NFKBIL1: variants seen among roughly 807,000 people sequenced by gnomAD.
NFKBIL1 encodes NF-kappa-B inhibitor-like protein 1.
NFKBIL1 carries 30 observed loss-of-function variants against 45.4 expected under a neutral mutation model. The ratio of observed to expected loss-of-function variants is 0.66; its 90% CI spans 0.49 to 0.90. The LOEUF is 0.90. NFKBIL1 is among the 40% of genes least tolerant of loss of function. NFKBIL1 has a pLI of 0.00. For synonymous variants in NFKBIL1, 179 were observed against 197.3 expected (o/e 0.91, Z 0.78); for missense variants, 434 against 513.4 (o/e 0.85, Z 1.49).
In NFKBIL1 at chr6:31,553,444, C is replaced by T. The variant is rs117605180; in HGVS notation, c.335-4184C>T. Among the ~76,000 whole-genome samples, 84 of 152,168 alleles carry T rather than the reference C, an allele frequency of 5.5e-4. 2 individuals carry two copies. The East Asian group carries it at 0.015, about 27-fold the overall frequency. On this transcript the variant is annotated intron_variant, in intron 2 of 3. Transcript: ENST00000376148. ...AAAGTAAATTCCAGCAGATTAAATA[C>T]CTGAATATGACAGGAAGGTACACAC...
At position 31,558,640 on chromosome 6, in the gene NFKBIL1, G is replaced by A; in HGVS notation, c.*29G>A. On this transcript the variant is annotated 3_prime_UTR_variant, in exon 4 of 4. Coordinates refer to ENST00000376148, the MANE Select transcript of NFKBIL1 (RefSeq NM_005007.4). The surrounding 1 kb of genome is among the most constrained non-coding windows in gnomAD (Gnocchi z 7.2). ...TAGGGAAGAAGCAAGAAACTTCGGG[G>A]CTGCAGCCTCAGGATGAGGCAGAAG... 1 of 1,515,780 alleles carries A rather than the reference G, an allele frequency of 6.6e-7. No individual in the cohort carries two copies. Among genetic ancestry groups the A allele is most frequent in the South Asian group, 1.2e-5 (1 of 82,148 alleles). 93.9% of individuals were successfully genotyped at this position (1,515,780 alleles called of 1,614,324 possible). A position where few individuals can be genotyped will look rare whatever the true frequency, so the allele number is the denominator to read the frequency against.
At chr6:31,552,653 T>C (rs1287395641) in intron 2 of NFKBIL1, among the ~76,000 whole-genome samples, 2 of 151,042 alleles carry the variant, frequency 1.3e-5, no homozygotes, top group African/African-American at 4.9e-5. Context: ...TGAGAACGGT[T>C]GATCTGGTAA....
In NFKBIL1 at chr6:31,547,711, C is replaced by A; in HGVS notation, c.17C>A (p.Pro6His). 6.2e-7 allele frequency: 1 copy of A among 1,612,298 alleles called. No homozygotes were observed. Among genetic ancestry groups the A allele is most frequent in the Non-Finnish European group, 8.5e-7 (1 of 1,179,580 alleles). ...GCAGGTCTGATGAGTAACCCCTCCCCCCAGGTTCCAGAGGAAGAAGCCTCC... is the reference window on the plus strand; with the variant it reads ...GCAGGTCTGATGAGTAACCCCTCCCACCAGGTTCCAGAGGAAGAAGCCTCC... The part of the protein sequence containing the change: MSNPS[P>H]QVPEEEASTS... Residue 6 changes from proline (P) to histidine (H), a missense_variant, in exon 1 of 4, where the codon CCC becomes CAC. Around this residue, in one of 4 missense-constraint regions of NFKBIL1, gnomAD observed 231 missense variants for 264.1 expected, o/e 0.87. Coordinates refer to ENST00000376148, the MANE Select transcript of NFKBIL1 (RefSeq NM_005007.4).
At chr6:31,554,364 G>C (rs1028878552) in intron 2 of NFKBIL1, among the ~76,000 whole-genome samples, 1 of 152,106 alleles carries the variant, frequency 6.6e-6, no homozygotes, top group Non-Finnish European at 1.5e-5. Flanking sequence ...CAGTGAGCAA[G>C]ATCATGCCAC....
Position 31,557,315 on chromosome 6 carries a change from A to G in NFKBIL1, c.335-313A>G, listed in dbSNP as rs1172451343. Among the ~76,000 whole-genome samples the G allele has an allele frequency of 1.3e-5, 2 of 152,030 alleles. No homozygotes were observed. Among genetic ancestry groups the G allele is most frequent in the African/African-American group, 4.8e-5 (2 of 41,392 alleles). ...AGTAGAGATGGGATTTCACCATGTT[A>G]GCCAGGATGGTCTTGATCTCCTGAC... is the stretch of plus-strand genomic sequence containing the variant. On this transcript the variant is annotated intron_variant, in intron 2 of 3. Transcript: ENST00000376148. The surrounding 1 kb of genome is among the most constrained non-coding windows in gnomAD (Gnocchi z 5.4).
Position 31,557,672 on chromosome 6 carries a change from G to A in NFKBIL1, c.379G>A (p.Ala127Thr), listed in dbSNP as rs200921108. The change falls in exon 3 of 4, where the codon GCC becomes ACC. Residue 127 changes from alanine (A) to threonine (T), a missense_variant. Ala to Thr is a moderately conservative substitution (Grantham distance 58, BLOSUM62 0). Coordinates refer to ENST00000376148, the MANE Select transcript of NFKBIL1 (RefSeq NM_005007.4). The surrounding 1 kb of genome is among the most constrained non-coding windows in gnomAD (Gnocchi z 5.4). ...FLPLLSRCPS[A>T]MGIKNKDGET... ...CCCGCTGCTAAGCCGCTGTCCCTCC[G>A]CCATGGGAATAAAGAATAAGGATGG... The A allele has an allele frequency of 1.1e-5, 17 of 1,579,308 alleles. No individual in the cohort carries two copies. Among genetic ancestry groups the A allele is most frequent in the Middle Eastern group, 1.7e-4 (1 of 5,924 alleles).
chr6:31,548,087 CAG>C, intron 1 of NFKBIL1, 74 bp from the exon 2 acceptor site: 2 of 1,581,850 alleles, frequency 1.3e-6, no homozygotes, highest in South Asian at 1.1e-5. Context: ...GGAGAAACAA[CAG>C]GGGATGTCAG....
chr6:31,548,391 CG>C lies in NFKBIL1; in HGVS notation c.287del (p.Arg96ProfsTer26). 1 of 1,552,266 alleles carries C rather than the reference CG, an allele frequency of 6.4e-7. No homozygotes were observed. The highest frequency in any genetic ancestry group is 8.7e-7 in the Non-Finnish European group (1 of 1,153,050). On this transcript the variant is annotated frameshift_variant, in exon 2 of 4. Coordinates refer to ENST00000376148, the MANE Select transcript of NFKBIL1 (RefSeq NM_005007.4). LOFTEE classifies it high-confidence loss of function. Reference protein sequence around the residue: ...RLGADPAHQDRHGDTALHAAA... With the variant: ...RLGADPAHQDXHGDTALHAAA... ...CGGGGCTGACCCTGCCCACCAGGACCGCCATGGGGACACGGCACTGCATGCT... is the reference window on the plus strand; with the variant it reads ...CGGGGCTGACCCTGCCCACCAGGACCCCATGGGGACACGGCACTGCATGCT...
chr6:31,548,388 G>A lies in NFKBIL1; in HGVS notation c.283G>A (p.Asp95Asn), dbSNP rs1403959711. 1 of 1,557,812 alleles carries A rather than the reference G, an allele frequency of 6.4e-7. No homozygotes were observed. The highest frequency in any genetic ancestry group is 2.3e-5 in the East Asian group (1 of 44,372). The change falls in exon 2 of 4, where the codon GAC becomes AAC. Residue 95 changes from aspartate (D) to asparagine (N), a missense_variant. Asp to Asn is a conservative substitution (Grantham distance 23, BLOSUM62 1). This residue lies in a region of NFKBIL1 where 231 missense variants were observed against 264.1 expected (regional missense o/e 0.87). Transcript: ENST00000376148. Reference sequence around the variant, plus strand: ...GCTCGGGGCTGACCCTGCCCACCAGGACCGCCATGGGGACACGGCACTGCA... The same window carrying A: ...GCTCGGGGCTGACCCTGCCCACCAGAACCGCCATGGGGACACGGCACTGCA... ...LRLGADPAHQDRHGDTALHAA... is the reference protein window; with the variant it reads ...LRLGADPAHQNRHGDTALHAA...
In NFKBIL1 at chr6:31,548,228, G is replaced by A. The variant is rs369468223; in HGVS notation, c.123G>A (p.Leu41=). 2 of 1,613,028 alleles carry A rather than the reference G, an allele frequency of 1.2e-6. No individual in the cohort carries two copies. The highest frequency in any genetic ancestry group is 1.7e-6 in the Non-Finnish European group (2 of 1,180,054). ...GAGAACGTCGCTTTCGTCGTTACTT[G>A]TCTGCAGGACGGCTGGTCCGGGCCC... is the stretch of plus-strand genomic sequence containing the variant. ...QRRERRFRRY[L]SAGRLVRAQA... Residue 41 remains leucine (L), a synonymous_variant, in exon 2 of 4, where the codon TTG becomes TTA. Transcript: ENST00000376148.
Position 31,548,591 on chromosome 6 carries a change from T to C in NFKBIL1, c.334+152T>C, listed in dbSNP as rs780660959. ...GGCATGTGGCTGTCATTTGTCCCTTTACATTACTGAGCTACCATTGTCTGA... is the reference window on the plus strand; with the variant it reads ...GGCATGTGGCTGTCATTTGTCCCTTCACATTACTGAGCTACCATTGTCTGA... On this transcript the variant is annotated intron_variant, in intron 2 of 3. Transcript: ENST00000376148. 117 of 795,450 alleles carry C rather than the reference T, an allele frequency of 1.5e-4. 1 individual carries two copies. The highest frequency in any genetic ancestry group is 1.9e-4 in the Non-Finnish European group (104 of 554,166). 49.3% of individuals were successfully genotyped at this position (795,450 alleles called of 1,614,324 possible).
upstream of NFKBIL1, chr6:31,547,605 C>T (rs200590404): frequency 6.9e-6 from 6 of 863,752 alleles, no homozygotes; most frequent in Non-Finnish European, 8.9e-6. Flanking sequence ...GGAGTGTCTC[C>T]GCCCTTCCCG....
At chr6:31,547,819 G>A in intron 1 of NFKBIL1, 68 bp downstream of exon 1, 1 of 1,399,470 alleles carries the variant, frequency 7.1e-7, no homozygotes, top group Non-Finnish European at 9.9e-7. Context: ...TCAGATTTCT[G>A]CTGATAAAAA....
Position 31,558,198 on chromosome 6 carries a change from C to T in NFKBIL1, c.733C>T (p.Leu245Phe). The change falls in exon 4 of 4, where the codon CTC (leucine) becomes TTC (phenylalanine). Residue 245 changes from leucine to phenylalanine, a missense_variant. By Grantham distance (22) the Leu-to-Phe change is conservative. Around this residue, in one of 4 missense-constraint regions of NFKBIL1, gnomAD observed 128 missense variants for 106.5 expected, o/e 1.20. Coordinates refer to ENST00000376148, the MANE Select transcript of NFKBIL1 (RefSeq NM_005007.4). This position sits in a 1 kb window ranked among gnomAD's most constrained non-coding sequence, Gnocchi z 7.2. Reference sequence around the variant, plus strand: ...GCGACAGCAGGAGGAGGAGCAGCGGCTCTTCAGGGAGCGAGCCCGGGCCAA... The same window carrying T: ...GCGACAGCAGGAGGAGGAGCAGCGGTTCTTCAGGGAGCGAGCCCGGGCCAA... ...SWRQQEEEQR[L>F]FRERARAKEE... 6.2e-7 allele frequency: 1 copy of T among 1,605,858 alleles called. No individual in the cohort carries two copies. Among genetic ancestry groups the T allele is most frequent in the Non-Finnish European group, 8.5e-7 (1 of 1,176,930 alleles).
chr6:31,550,254 A>T (rs2150361627), intron 2 of NFKBIL1, among the ~76,000 whole-genome samples: 1 of 151,868 alleles, frequency 6.6e-6, no homozygotes, highest in East Asian at 1.9e-4. Flanking sequence ...AGCCCTGCTT[A>T]CTAGAATAAA....
At chr6:31,555,849 T>C (rs938376149) in intron 2 of NFKBIL1, among the ~76,000 whole-genome samples, 1 of 150,430 alleles carries the variant, frequency 6.6e-6, no homozygotes, top group East Asian at 1.9e-4. Flanking sequence ...AGACGGGTTT[T>C]CACCATCTTG....
chr6:31,548,067 G>A lies in NFKBIL1; in HGVS notation c.58-96G>A, dbSNP rs569097184. 12 of 1,499,620 alleles carry A rather than the reference G, an allele frequency of 8.0e-6. No homozygotes were observed. The African/African-American group carries it at 1.3e-4, about 16-fold the overall frequency. 92.9% of individuals were successfully genotyped at this position (1,499,620 alleles called of 1,614,324 possible). Reference sequence around the variant, plus strand: ...CTTGCTGAAGATATTAAAAAAAGACGGAACCAAAGGGAGAAACAACAGGGG... The same window carrying A: ...CTTGCTGAAGATATTAAAAAAAGACAGAACCAAAGGGAGAAACAACAGGGG... On this transcript the variant is annotated intron_variant, in intron 1 of 3. Transcript: ENST00000376148.
In NFKBIL1 at chr6:31,547,703, C is replaced by A. The variant is rs766520362; in HGVS notation, c.9C>A (p.Asn3Lys). ...GGGCGGGGGCAGGTCTGATGAGTAA[C>A]CCCTCCCCCCAGGTTCCAGAGGAAG... MS[N>K]PSPQVPEEEA... is the part of the protein sequence containing the mutation. The change falls in exon 1 of 4, where the codon AAC becomes AAA. Residue 3 changes from asparagine (N) to lysine (K), a missense_variant. By Grantham distance (94) the Asn-to-Lys change is moderately conservative. This residue lies in a region of NFKBIL1 where 231 missense variants were observed against 264.1 expected (regional missense o/e 0.87). Coordinates refer to ENST00000376148, the MANE Select transcript of NFKBIL1 (RefSeq NM_005007.4). 5 of 1,611,436 alleles carry A rather than the reference C, an allele frequency of 3.1e-6. No homozygotes were observed. Among genetic ancestry groups the A allele is most frequent in the Admixed American group, 3.3e-5 (2 of 59,944 alleles).
chr6:31,548,280 C>G lies in NFKBIL1; in HGVS notation c.175C>G (p.Leu59Val), dbSNP rs201523402. The change falls in exon 2 of 4, where the codon CTC becomes GTC. Residue 59 changes from leucine to valine, a missense_variant. Around this residue, in one of 4 missense-constraint regions of NFKBIL1, gnomAD observed 231 missense variants for 264.1 expected, o/e 0.87. Transcript: ENST00000376148. ...GGCCCTCCTCCAGCGACACCCAGGC[C>G]TCGATGTAGATGCTGGGCAGCCCCC... ...AQALLQRHPGLDVDAGQPPPL... is the reference protein window; with the variant it reads ...AQALLQRHPGVDVDAGQPPPL... 1.4e-5 allele frequency: 23 copies of G among 1,612,272 alleles called. No individual in the cohort carries two copies. In the Admixed American group the frequency reaches 1.7e-4, roughly 12 times the overall value.
Sources: gnomAD v4.1 joint callset for allele counts (sites outside exome capture counted in the v4.1 genomes callset) on GRCh38, gnomAD v4.1.1 for gene constraint, gnomAD v4.1.1 regional missense constraint, Gnocchi (gnomAD v3.1) non-coding constraint, MANE v1.5 for transcripts, NCBI Gene and HGNC (gene_info 2026-07-23, HGNC 2026-07-21) for gene names.